Variants in STK3 observed in about 807,000 individuals in gnomAD.
STK3 encodes serine/threonine kinase 3.
STK3 carries 41 observed loss-of-function variants against 58.0 expected under a neutral mutation model. The observed-to-expected ratio is 0.71, with a 90% CI of 0.55 to 0.92. STK3 has a LOEUF of 0.92. Among genes scored for constraint, STK3 ranks in the 40% least tolerant of loss-of-function variants. STK3 has a pLI of 0.00. For missense variants in STK3, 479 were observed against 602.7 expected (o/e 0.79, Z 2.15); for synonymous variants, 170 against 191.0 (o/e 0.89, Z 0.91).
chr8:98,410,376 C>T (rs547681322), intron 3 of STK3, among the ~76,000 whole-genome samples: 2 of 152,302 alleles, frequency 1.3e-5, no homozygotes, highest in Non-Finnish European at 2.9e-5. Flanking sequence ...CCAGGCATCA[C>T]TAACATGTGG....
intron 1 of STK3, among the ~76,000 whole-genome samples, chr8:98,795,712 C>T (rs1833114906): frequency 6.6e-6 from 1 of 151,950 alleles, no homozygotes; most frequent in African/African-American, 2.4e-5. Context: ...ACAAAATGAA[C>T]AAAAACCAGT....
intron 1 of STK3, among the ~76,000 whole-genome samples, chr8:98,776,624 T>C (rs966373314): frequency 2.0e-5 from 3 of 152,194 alleles, no homozygotes; most frequent in African/African-American, 4.8e-5. Flanking sequence ...GTATATGCTA[T>C]TGTCGATGAC....
At chr8:98,459,937 G>A (rs1454615693) in intron 10 of STK3, among the ~76,000 whole-genome samples, 2 of 152,250 alleles carry the variant, frequency 1.3e-5, no homozygotes, top group Admixed American at 6.5e-5. Context: ...AGGGCAGTGT[G>A]GAAGGGAAAT....
At chr8:98,512,719 T>C (rs1008042922) in intron 10 of STK3, among the ~76,000 whole-genome samples, 3 of 152,184 alleles carry the variant, frequency 2.0e-5, no homozygotes, top group African/African-American at 7.2e-5. Context: ...TAAGCTTAGA[T>C]AGCATGAATT....
chr8:98,743,973 T>C (rs1242107101), intron 4 of STK3, among the ~76,000 whole-genome samples: 1 of 151,962 alleles, frequency 6.6e-6, no homozygotes, highest in African/African-American at 2.4e-5. Flanking sequence ...AAAAAACACA[T>C]GAGAAAATGC....
At chr8:98,573,248 C>T (rs1459394771) in intron 8 of STK3, among the ~76,000 whole-genome samples, 6 of 152,168 alleles carry the variant, frequency 3.9e-5, no homozygotes, top group East Asian at 1.9e-4. Flanking sequence ...AGTCCATTCT[C>T]ACACTGCTAT....
At chr8:98,456,210 A>T (rs928899030) in intron 10 of STK3, among the ~76,000 whole-genome samples, 1 of 152,216 alleles carries the variant, frequency 6.6e-6, no homozygotes, top group African/African-American at 2.4e-5. Context: ...ACCTCCAGTA[A>T]TCTGCAATGA....
intron 3 of STK3, among the ~76,000 whole-genome samples, chr8:98,860,422 A>C (rs999424364): frequency 6.6e-6 from 1 of 152,166 alleles, no homozygotes; most frequent in Non-Finnish European, 1.5e-5. Flanking sequence ...TGAAGGCCCT[A>C]AGGTGGGAAG....
At position 98,615,297 on chromosome 8, in the gene STK3, G is replaced by A. The variant is rs201686616; in HGVS notation, c.685-19128C>T. ...AACAAACAGAAAGGACATCCACACC[G>A]AAAACCCATCTGTACATCACCATCA... On this transcript the variant is annotated intron_variant, in intron 6 of 10. Transcript: ENST00000419617. 1.8e-3 allele frequency among the ~76,000 whole-genome samples: 253 copies of A among 142,844 alleles called. 2 individuals carry two copies. The highest frequency in any genetic ancestry group is 3.7e-3 in the African/African-American group (143 of 38,448). The allele number at this position is 142,844 out of a possible 152,430, so 93.7% of individuals were successfully genotyped here. A position where few individuals can be genotyped will look rare whatever the true frequency, so the allele number is the denominator to read the frequency against.
At chr8:98,828,209 C>T (rs182320710), upstream of STK3, among the ~76,000 whole-genome samples, 176 of 152,012 alleles carry the variant, frequency 1.2e-3, no homozygotes, top group Middle Eastern at 3.4e-3. Flanking sequence ...CTCGTGACCT[C>T]GGGCAATCCA....
chr8:98,694,571 A>G (rs1026067551), intron 6 of STK3, among the ~76,000 whole-genome samples: 2 of 152,084 alleles, frequency 1.3e-5, no homozygotes, highest in Admixed American at 1.3e-4. Flanking sequence ...TCATTGTTCA[A>G]TTCCCATCTA....
intron 3 of STK3, among the ~76,000 whole-genome samples, chr8:98,838,550 G>A (rs932383854): frequency 7.9e-5 from 12 of 152,188 alleles, no homozygotes; most frequent in Admixed American, 6.5e-5. Context: ...AGAGGTAGAT[G>A]CTTAGTAGAC....
At position 98,614,876 on chromosome 8, in the gene STK3, G is replaced by A. The variant is rs569056358; in HGVS notation, c.685-18707C>T. Among the ~76,000 whole-genome samples, 4 of 152,306 alleles carry A rather than the reference G, an allele frequency of 2.6e-5. No individual in the cohort carries two copies. In the East Asian group the frequency reaches 7.7e-4, roughly 29 times the overall value. ...GATCAAACTGCAAGGCGGCAGCTAGGCTGGGGGAGGGGAGCCCGCCATTGC... is the reference window on the plus strand; with the variant it reads ...GATCAAACTGCAAGGCGGCAGCTAGACTGGGGGAGGGGAGCCCGCCATTGC... On this transcript the variant is annotated intron_variant, in intron 6 of 10. Coordinates refer to ENST00000419617, the MANE Select transcript of STK3 (RefSeq NM_006281.4).
chr8:98,430,909 C>A (rs1376459560), intron 3 of STK3: 4 of 167,112 alleles, frequency 2.4e-5, no homozygotes, highest in Non-Finnish European at 4.4e-5. Context: ...TGCTCCTGCT[C>A]CTCTTGTTCG....
intron 4 of STK3, among the ~76,000 whole-genome samples, chr8:98,747,671 T>C (rs748669593): frequency 2.1e-4 from 32 of 152,180 alleles, no homozygotes; most frequent in Non-Finnish European, 4.4e-4. Context: ...AAAAGAAAGA[T>C]ACAAATATTC....
chr8:98,649,072 A>G (rs1820654336), intron 6 of STK3, among the ~76,000 whole-genome samples: 1 of 151,994 alleles, frequency 6.6e-6, no homozygotes, highest in Non-Finnish European at 1.5e-5. Context: ...AAAAAAAAAA[A>G]ACTCAATGTT....
chr8:98,659,106 AG>A (rs1303068949), intron 6 of STK3, among the ~76,000 whole-genome samples: 2 of 152,080 alleles, frequency 1.3e-5, no homozygotes, highest in Non-Finnish European at 2.9e-5. Context: ...GGTTTGTATA[AG>A]TTCACTCTAT....
intron 3 of STK3, among the ~76,000 whole-genome samples, chr8:98,761,420 C>T (rs796073681): frequency 3.3e-5 from 5 of 152,154 alleles, no homozygotes; most frequent in African/African-American, 1.2e-4. Flanking sequence ...CCACCACATA[C>T]AATCAAAAGG....
chr8:98,475,338 G>A (rs575511325), intron 10 of STK3, among the ~76,000 whole-genome samples: 8 of 152,180 alleles, frequency 5.3e-5, no homozygotes, highest in Non-Finnish European at 1.2e-4. Flanking sequence ...GGTGAGAAGA[G>A]AGAATGTAGA....
Sources: allele counts gnomAD v4.1 joint callset (sites outside exome capture counted in the v4.1 genomes callset), GRCh38; gene constraint gnomAD v4.1.1; transcripts MANE v1.5; gene names NCBI Gene and HGNC (gene_info 2026-07-23, HGNC 2026-07-21).